SRBD1: variants seen among roughly 807,000 people sequenced by gnomAD.
The protein encoded by SRBD1 is S1 RNA-binding domain-containing protein 1.
In SRBD1, 88 loss-of-function variants were observed where a neutral mutation model predicts 115.3. The ratio of observed to expected loss-of-function variants is 0.76; its 90% CI spans 0.64 to 0.91. The LOEUF (loss-of-function observed/expected upper bound fraction) is 0.91. Among genes scored for constraint, SRBD1 ranks in the 40% least tolerant of loss-of-function variants. The probability of loss-of-function intolerance (pLI) is 0.00; values close to 1 mark genes in which losing one functional copy is unlikely to be tolerated. For missense variants in SRBD1, 1,385 were observed against 1,177.4 expected, an observed-to-expected ratio of 1.18 and a Z score of -2.58; for synonymous variants, 509 against 407.7, an observed-to-expected ratio of 1.25 and a Z score of -2.99.
Position 45,553,703 on chromosome 2 carries a change from T to G in SRBD1, c.1437A>C (p.Pro479=). Residue 479 remains proline (P), a synonymous_variant, in exon 11 of 21, where the codon CCA becomes CCC. Coordinates refer to ENST00000263736, the MANE Select transcript of SRBD1 (RefSeq NM_018079.5). Reference sequence around the variant, plus strand: ...AATTATATAAGATCTTCATTAACTCTGGCCTTGCAAAGCTACGTGGTCTCC... The same window carrying G: ...AATTATATAAGATCTTCATTAACTCGGGCCTTGCAAAGCTACGTGGTCTCC... ...NRWRPRSFAR[P]ELMKILYNSL... 2 of 1,605,748 alleles carry G rather than the reference T, an allele frequency of 1.2e-6. No homozygotes were observed. The highest frequency in any genetic ancestry group is 1.7e-6 in the Non-Finnish European group (2 of 1,176,416).
intron 4 of SRBD1, among the ~76,000 whole-genome samples, chr2:45,594,167 TACACA>T (rs1673816761): frequency 6.6e-6 from 1 of 152,220 alleles, no homozygotes; most frequent in Non-Finnish European, 1.5e-5. Context: ...TGCACTGAGA[TACACA>T]ACTCAGAAAT....
intron 9 of SRBD1, among the ~76,000 whole-genome samples, chr2:45,566,451 C>T (rs972942748): frequency 6.6e-6 from 1 of 152,258 alleles, no homozygotes; most frequent in Admixed American, 6.5e-5. Flanking sequence ...AAGAAACCAG[C>T]GGCAAAAGTC....
chr2:45,551,832 G>C (rs1176441160), intron 11 of SRBD1, among the ~76,000 whole-genome samples: 1 of 152,154 alleles, frequency 6.6e-6, no homozygotes, highest in Non-Finnish European at 1.5e-5. Context: ...AGACAAACAA[G>C]ATCAGCTGAA....
At chr2:45,560,445 G>T (rs1416778019) in intron 10 of SRBD1, among the ~76,000 whole-genome samples, 1 of 152,098 alleles carries the variant, frequency 6.6e-6, no homozygotes, top group Non-Finnish European at 1.5e-5. Context: ...CCACTACTTT[G>T]TAATAACAGA....
At chr2:45,541,608 G>A (rs911310363) in intron 14 of SRBD1, among the ~76,000 whole-genome samples, 2 of 152,258 alleles carry the variant, frequency 1.3e-5, no homozygotes, top group African/African-American at 2.4e-5. Context: ...GTCCCAATGA[G>A]TGTCTAGCTC....
intron 11 of SRBD1, among the ~76,000 whole-genome samples, 172 bp downstream of exon 11, chr2:45,553,451 C>T (rs890725464): frequency 1.3e-5 from 2 of 152,178 alleles, no homozygotes. Flanking sequence ...ATGATCTATG[C>T]ATGTGAATGC....
chr2:45,389,848 T>C (rs1048628760), intron 20 of SRBD1, among the ~76,000 whole-genome samples: 1 of 152,200 alleles, frequency 6.6e-6, no homozygotes, highest in Non-Finnish European at 1.5e-5. Context: ...ACTAGCATTA[T>C]ACATAAGGAT....
rs990459027 is a variant in SRBD1, at chr2:45,577,417, T to C, written c.1072+2458A>G. ...TATCCTTTGCCTTACAATGAAATCT[T>C]CCCAGCTACAGAATCTTCAAACCTC... On this transcript the variant is annotated intron_variant, in intron 7 of 20. Coordinates refer to ENST00000263736, the MANE Select transcript of SRBD1 (RefSeq NM_018079.5). Among the ~76,000 whole-genome samples the C allele has an allele frequency of 2.0e-5, 3 of 152,142 alleles. No homozygotes were observed. The South Asian group carries it at 6.2e-4, about 32-fold the overall frequency.
chr2:45,560,376 G>A (rs574066108), intron 10 of SRBD1, among the ~76,000 whole-genome samples: 28 of 152,232 alleles, frequency 1.8e-4, no homozygotes, highest in African/African-American at 6.7e-4. Context: ...AGAAAAATAA[G>A]CCAGAAATTG....
In SRBD1 at chr2:45,581,602, G is replaced by C. The variant is rs1673366178; in HGVS notation, c.933+91C>G. The C allele has an allele frequency of 4.5e-6, 4 of 880,760 alleles. No individual in the cohort carries two copies. The East Asian group carries it at 9.9e-5, about 22-fold the overall frequency. The allele number at this position is 880,760 out of a possible 1,614,324, so 54.6% of individuals were successfully genotyped here. A position where few individuals can be genotyped will look rare whatever the true frequency, so the allele number is the denominator to read the frequency against. On this transcript the variant is annotated intron_variant, in intron 6 of 20. Transcript: ENST00000263736. ...TAAATAATGGTGGCTAATGACGTTA[G>C]CTTTTTATTTCTTGGTGTTCTTTAA...
intron 19 of SRBD1, among the ~76,000 whole-genome samples, chr2:45,395,703 G>C (rs1368143943): frequency 1.3e-5 from 2 of 152,162 alleles, no homozygotes; most frequent in African/African-American, 4.8e-5. Flanking sequence ...GCCAACAACA[G>C]ACAGAGGAAC....
At chr2:45,432,739 A>G (rs1572634902) in intron 16 of SRBD1, among the ~76,000 whole-genome samples, 1 of 152,238 alleles carries the variant, frequency 6.6e-6, no homozygotes, top group East Asian at 1.9e-4. Context: ...AAGTTACTTA[A>G]ACAGTCTCTC....
chr2:45,585,877 G>T (rs1673505343), intron 4 of SRBD1, 103 bp from the exon 5 acceptor site: 2 of 873,752 alleles, frequency 2.3e-6, no homozygotes, highest in Non-Finnish European at 3.3e-6. Context: ...CAGTGACTTA[G>T]AAACTACTTG....
At chr2:45,425,961 T>C (rs1158350728) in intron 16 of SRBD1, among the ~76,000 whole-genome samples, 1 of 152,130 alleles carries the variant, frequency 6.6e-6, no homozygotes, top group East Asian at 1.9e-4. Context: ...AGTTTTTTTT[T>C]TCATACCTCA....
At chr2:45,398,307 C>T (rs544495608) in intron 19 of SRBD1, among the ~76,000 whole-genome samples, 38 of 151,322 alleles carry the variant, frequency 2.5e-4, no homozygotes, top group South Asian at 8.3e-4. Context: ...TGGGTGGGGG[C>T]GTTTTAAATG....
At chr2:45,404,214 A>G (rs1249759509) in intron 19 of SRBD1, among the ~76,000 whole-genome samples, 1 of 152,210 alleles carries the variant, frequency 6.6e-6, no homozygotes, top group Non-Finnish European at 1.5e-5. Flanking sequence ...TATGAGATGA[A>G]AAAGATTATA....
intron 14 of SRBD1, among the ~76,000 whole-genome samples, chr2:45,519,648 G>C (rs1242876726): frequency 6.6e-6 from 1 of 151,954 alleles, no homozygotes; most frequent in African/African-American, 2.4e-5. Context: ...AGAAAATTTT[G>C]TCCCTTCTTC....
intron 14 of SRBD1, among the ~76,000 whole-genome samples, chr2:45,508,250 CA>C (rs1670856654): frequency 6.6e-6 from 1 of 152,128 alleles, no homozygotes; most frequent in Non-Finnish European, 1.5e-5. Flanking sequence ...TTACAGCTGT[CA>C]CTTAATACAT....
chr2:45,551,357 T>C (rs952657886), intron 11 of SRBD1, 75 bp from the exon 12 acceptor site: 20 of 1,380,562 alleles, frequency 1.4e-5, no homozygotes, highest in Non-Finnish European at 2.0e-5. Flanking sequence ...AGAATTCATT[T>C]TGTACAATTA....
Sources: gnomAD v4.1 joint callset for allele counts (sites outside exome capture counted in the v4.1 genomes callset) on GRCh38, gnomAD v4.1.1 for gene constraint, MANE v1.5 for transcripts, NCBI Gene and HGNC (gene_info 2026-07-23, HGNC 2026-07-21) for gene names.